The following STAU2 variants were observed in gnomAD, a reference collection of about 807,000 sequenced individuals.
The protein encoded by STAU2 is double-stranded RNA-binding protein Staufen homolog 2.
A neutral mutation model predicts 65.9 loss-of-function variants in STAU2; 20 were observed. That is an observed-to-expected ratio of 0.30 (90% CI 0.21 to 0.44). The LOEUF (loss-of-function observed/expected upper bound fraction) is 0.44. Among genes scored for constraint, STAU2 ranks in the 20% least tolerant of loss-of-function variants. The pLI is 1.00. For missense variants in STAU2, 558 were observed against 683.9 expected, an observed-to-expected ratio of 0.82 and a Z score of 2.05; for synonymous variants, 232 against 233.9, an observed-to-expected ratio of 0.99 and a Z score of 0.07.
intron 6 of STAU2, among the ~76,000 whole-genome samples, chr8:73,634,900 C>A (rs550795431): frequency 3.3e-5 from 5 of 152,320 alleles, no homozygotes; most frequent in Admixed American, 3.3e-4. Flanking sequence ...CCTATATAAG[C>A]ACTTTTCACT....
At chr8:73,628,523 A>C (rs1244464344) in intron 6 of STAU2, among the ~76,000 whole-genome samples, 2 of 152,194 alleles carry the variant, frequency 1.3e-5, no homozygotes, top group Non-Finnish European at 2.9e-5. Flanking sequence ...AGCAGATATC[A>C]TCTTTGGTTA....
chr8:73,707,358 C>T (rs1202068199), intron 4 of STAU2, among the ~76,000 whole-genome samples: 1 of 152,086 alleles, frequency 6.6e-6, no homozygotes, highest in Non-Finnish European at 1.5e-5. Flanking sequence ...CTGAAATTAA[C>T]ATTATGCAGT....
chr8:73,523,864 G>C (rs1823198386), intron 13 of STAU2, among the ~76,000 whole-genome samples: 1 of 152,082 alleles, frequency 6.6e-6, no homozygotes, highest in Admixed American at 6.6e-5. Context: ...AGGTGTGATG[G>C]GAAGCCACTG....
At chr8:73,608,644 A>G (rs1812214043) in intron 9 of STAU2, among the ~76,000 whole-genome samples, 2 of 151,694 alleles carry the variant, frequency 1.3e-5, no homozygotes, top group Admixed American at 1.3e-4. Context: ...AAAAAAAGAA[A>G]TATTAGCTAA....
chr8:73,567,974 T>C (rs1315682350), intron 12 of STAU2, among the ~76,000 whole-genome samples: 1 of 152,206 alleles, frequency 6.6e-6, no homozygotes, highest in East Asian at 1.9e-4. Context: ...GGGTACATTA[T>C]AATAAACAAA....
At chr8:73,431,369 G>A (rs1225566238) in intron 13 of STAU2, among the ~76,000 whole-genome samples, 1 of 152,120 alleles carries the variant, frequency 6.6e-6, no homozygotes, top group Non-Finnish European at 1.5e-5. Flanking sequence ...TTTAAAAAAA[G>A]AAATAAAAGG....
At chr8:73,683,005 G>A (rs187006333) in intron 5 of STAU2, among the ~76,000 whole-genome samples, 20 of 152,120 alleles carry the variant, frequency 1.3e-4, no homozygotes, top group Non-Finnish European at 2.8e-4. Context: ...AGGACCAGAC[G>A]GATTCACAGC....
chr8:73,554,919 G>C (rs1351501271), intron 12 of STAU2, among the ~76,000 whole-genome samples: 2 of 152,142 alleles, frequency 1.3e-5, no homozygotes, highest in South Asian at 2.1e-4. Context: ...AATACTCCAG[G>C]CTGTTTGATC....
intron 13 of STAU2, among the ~76,000 whole-genome samples, chr8:73,522,753 C>G (rs547542261): frequency 1.3e-5 from 2 of 152,140 alleles, no homozygotes; most frequent in Admixed American, 1.3e-4. Context: ...CAAGACATCA[C>G]GAGGACCTCC....
At chr8:73,687,284 A>AAATTTATATTTATATTTATAAATAT (rs1375210256) in intron 5 of STAU2, among the ~76,000 whole-genome samples, 215 of 18,544 alleles carry the variant, frequency 0.012, 9 homozygotes, top group Admixed American at 0.065. Context: ...ACATTTATAA[A>AAATTTATATTTATATTTATAAATAT]AATTTATATT....
intron 5 of STAU2, among the ~76,000 whole-genome samples, chr8:73,682,586 A>G (rs1405098878): frequency 6.6e-6 from 1 of 152,108 alleles, no homozygotes; most frequent in African/African-American, 2.4e-5. Context: ...AGAACAAACC[A>G]AACCCAGCAG....
intron 13 of STAU2, among the ~76,000 whole-genome samples, chr8:73,460,454 T>C (rs1229464924): frequency 6.6e-6 from 1 of 152,226 alleles, no homozygotes; most frequent in Non-Finnish European, 1.5e-5. Context: ...TTAAACACAT[T>C]TGACGACATC....
intron 13 of STAU2, among the ~76,000 whole-genome samples, chr8:73,502,411 C>T (rs1212209811): frequency 1.3e-5 from 2 of 151,944 alleles, no homozygotes; most frequent in Non-Finnish European, 2.9e-5. Flanking sequence ...AATTCGTCAT[C>T]CTAGTGTCCA....
In STAU2 at chr8:73,422,694, TA is replaced by T. The variant is rs1482667517; in HGVS notation, c.1538del (p.Leu513Ter). Reference sequence around the variant, plus strand: ...GTTCAGAAAATTGTTTCAAGGCACTTAAGGCTGCCTAAAAATGAAAACAAAC... The same window carrying T: ...GTTCAGAAAATTGTTTCAAGGCACTTAGGCTGCCTAAAAATGAAAACAAAC... Reference protein sequence around the residue: ...LARIQGFQAALSALKQFSEQG... With the variant: ...LARIQGFQAAXSALKQFSEQG... On this transcript the variant is annotated frameshift_variant, in exon 14 of 15. Transcript: ENST00000524300. LOFTEE classifies it high-confidence loss of function. The T allele has an allele frequency of 4.7e-6, 7 of 1,483,884 alleles. No individual in the cohort carries two copies. The highest frequency in any genetic ancestry group is 6.2e-6 in the Non-Finnish European group (7 of 1,124,994). 91.9% of individuals were successfully genotyped at this position (1,483,884 alleles called of 1,614,324 possible).
At chr8:73,711,535 T>C (rs1301257764) in intron 3 of STAU2, among the ~76,000 whole-genome samples, 2 of 152,178 alleles carry the variant, frequency 1.3e-5, no homozygotes, top group Non-Finnish European at 2.9e-5. Context: ...CATATTCATC[T>C]GTTACAATGC....
At chr8:73,505,936 A>G (rs1302013757) in intron 13 of STAU2, among the ~76,000 whole-genome samples, 2 of 151,528 alleles carry the variant, frequency 1.3e-5, no homozygotes, top group Non-Finnish European at 2.9e-5. Flanking sequence ...ACTATCTGGC[A>G]CCTCCTCCCT....
rs1211828033 is a variant in STAU2, at chr8:73,669,127, A to G, written c.410+3980T>C. ...TGTTGCCATCTATAAATTAAAATAA[A>G]TATGAGAAATCATGGTTGTAACAGC... On this transcript the variant is annotated intron_variant, in intron 6 of 14. Transcript: ENST00000524300. 4 of 701,740 alleles carry G rather than the reference A, an allele frequency of 5.7e-6. No individual in the cohort carries two copies. In the South Asian group the frequency reaches 5.9e-5, roughly 10 times the overall value. The allele number at this position is 701,740 out of a possible 1,614,324, so 43.5% of individuals were successfully genotyped here.
At chr8:73,710,621 G>C (rs923199753) in intron 3 of STAU2, among the ~76,000 whole-genome samples, 2 of 151,744 alleles carry the variant, frequency 1.3e-5, no homozygotes, top group African/African-American at 4.8e-5. Flanking sequence ...GCAAATACAA[G>C]GTACTATTAT....
intron 13 of STAU2, among the ~76,000 whole-genome samples, chr8:73,508,257 A>G (rs1017052179): frequency 1.1e-4 from 16 of 152,206 alleles, no homozygotes; most frequent in African/African-American, 3.6e-4. Context: ...TTTGATTTAA[A>G]GCAAGCAATA....
Sources: gnomAD v4.1 joint callset for allele counts (sites outside exome capture counted in the v4.1 genomes callset) on GRCh38, gnomAD v4.1.1 for gene constraint, MANE v1.5 for transcripts, NCBI Gene and HGNC (gene_info 2026-07-23, HGNC 2026-07-21) for gene names.